Variants in IGFL2 observed in about 807,000 individuals in gnomAD.
The protein encoded by IGFL2 is insulin growth factor-like family member 2.
In IGFL2, 7 loss-of-function variants were observed where a neutral mutation model predicts 13.9. That is an observed-to-expected ratio of 0.51 (90% CI 0.29 to 0.95). The LOEUF is 0.95. IGFL2 is among the 40% of genes least tolerant of loss of function. IGFL2 has a pLI of 0.08. For synonymous variants in IGFL2, 55 were observed against 55.8 expected (o/e 0.99, Z 0.07); for missense variants, 138 against 147.8 (o/e 0.93, Z 0.34).
chr19:46,150,187 G>C (rs574655346), intron 1 of IGFL2, among the ~76,000 whole-genome samples: 1 of 152,004 alleles, frequency 6.6e-6, no homozygotes, highest in Admixed American at 6.6e-5. Context: ...TTGAGAAAAG[G>C]TTTATTCAGA....
downstream of IGFL2, among the ~76,000 whole-genome samples, chr19:46,161,758 C>CT (rs1974182735): frequency 6.6e-6 from 1 of 152,122 alleles, no homozygotes; most frequent in Non-Finnish European, 1.5e-5. Context: ...TTGGGTCTTG[C>CT]TTTTTTATCC....
the IGFL2 span, among the ~76,000 whole-genome samples, chr19:46,085,115 CA>C: frequency 1.3e-5 from 2 of 152,022 alleles, no homozygotes; most frequent in Admixed American, 6.6e-5. Context: ...CTACAGGCCC[CA>C]ATGCAAGTTT....
the IGFL2 span, chr19:46,204,725 G>A: frequency 6.6e-6 from 1 of 152,196 alleles, no homozygotes; most frequent in African/African-American, 2.4e-5. Context: ...AATTGTAATG[G>A]ACTTCAGGAG....
the IGFL2 span, chr19:46,137,547 T>C: frequency 1.9e-6 from 2 of 1,068,676 alleles, no homozygotes; most frequent in East Asian, 4.9e-5. Context: ...GGAATGTCCA[T>C]GGAATCGTCA....
chr19:46,202,413 T>C, the IGFL2 span: 1 of 152,066 alleles, frequency 6.6e-6, no homozygotes, highest in African/African-American at 2.4e-5. Context: ...AGGTTTTAAG[T>C]TTTTTAGAAC....
upstream of IGFL2, among the ~76,000 whole-genome samples, chr19:46,140,148 C>A (rs1009151373): frequency 6.6e-6 from 1 of 151,928 alleles, no homozygotes; most frequent in African/African-American, 2.4e-5. Flanking sequence ...CGGGGTTTCA[C>A]CACGTTGGCC....
chr19:46,116,949 T>A, the IGFL2 span, among the ~76,000 whole-genome samples: 1 of 151,358 alleles, frequency 6.6e-6, no homozygotes. Flanking sequence ...TTAACTTGTT[T>A]ATCTTATATT....
the IGFL2 span, among the ~76,000 whole-genome samples, chr19:46,093,978 G>A: frequency 7.3e-5 from 11 of 149,772 alleles, 1 homozygote; most frequent in South Asian, 2.3e-3. Context: ...ATTGTTAGAT[G>A]TCAGTATTCT....
chr19:46,198,573 T>C, the IGFL2 span: 1 of 152,010 alleles, frequency 6.6e-6, no homozygotes, highest in Non-Finnish European at 1.5e-5. Context: ...ATTTTTGGAG[T>C]TGGTGTTTCT....
At chr19:46,163,743 C>G (rs1974266085), downstream of IGFL2, 1 of 152,568 alleles carries the variant, frequency 6.6e-6, no homozygotes, top group African/African-American at 2.4e-5. Flanking sequence ...GAGAATCTGC[C>G]TGATGAGGAG....
At chr19:46,148,403 C>A in intron 1 of IGFL2, 106 bp downstream of exon 1, 2 of 1,013,612 alleles carry the variant, frequency 2.0e-6, no homozygotes, top group South Asian at 2.8e-5. Flanking sequence ...CTTGGTTTCC[C>A]ACCTCATAAT....
the IGFL2 span, among the ~76,000 whole-genome samples, chr19:46,178,762 A>T: frequency 5.3e-5 from 8 of 152,180 alleles, no homozygotes; most frequent in African/African-American, 1.7e-4. Context: ...CCCCACTTCA[A>T]AATGCCCTGC....
At chr19:46,090,236 T>A in the IGFL2 span, among the ~76,000 whole-genome samples, 5 of 152,366 alleles carry the variant, frequency 3.3e-5, no homozygotes, top group African/African-American at 1.2e-4. Context: ...AAATTTCTTA[T>A]TCTAGCCACT....
At chr19:46,124,619 A>G in the IGFL2 span, 11 of 1,607,496 alleles carry the variant, frequency 6.8e-6, 1 homozygote, top group Middle Eastern at 1.6e-4. Flanking sequence ...TTGGGGTCCT[A>G]CTTGCCCAAG....
chr19:46,112,643 A>G, the IGFL2 span, among the ~76,000 whole-genome samples: 1 of 152,210 alleles, frequency 6.6e-6, no homozygotes, highest in South Asian at 2.1e-4. Context: ...AACTTGTTTG[A>G]CCTTAGAACT....
chr19:46,141,907 T>A (rs1168262111), upstream of IGFL2, among the ~76,000 whole-genome samples: 1 of 152,192 alleles, frequency 6.6e-6, no homozygotes, highest in Non-Finnish European at 1.5e-5. Context: ...TTTTTGAAAG[T>A]TACAAATAAA....
At chr19:46,106,899 TA>T in the IGFL2 span, among the ~76,000 whole-genome samples, 1 of 151,908 alleles carries the variant, frequency 6.6e-6, no homozygotes, top group Non-Finnish European at 1.5e-5. Context: ...GCTTGTGGAT[TA>T]AGGTAGGGAG....
At chr19:46,091,254 A>G in the IGFL2 span, among the ~76,000 whole-genome samples, 1 of 152,228 alleles carries the variant, frequency 6.6e-6, no homozygotes. Context: ...AGAAGTAGAT[A>G]TCTAGGGAAG....
At chr19:46,160,279 G>A in intron 1 of IGFL2, 136 bp from the exon 2 acceptor site, 1 of 724,590 alleles carries the variant, frequency 1.4e-6, no homozygotes, top group Non-Finnish European at 2.4e-6. Context: ...TAGATCCTAT[G>A]CAAAGATAGT....
Sources: gnomAD v4.1 joint callset for allele counts (sites outside exome capture counted in the v4.1 genomes callset) on GRCh38, gnomAD v4.1.1 for gene constraint, MANE v1.5 for transcripts, NCBI Gene and HGNC (gene_info 2026-07-23, HGNC 2026-07-21) for gene names.